The following CADM2 variants were observed in gnomAD, a reference collection of about 807,000 sequenced individuals.
The protein encoded by CADM2 is immunoglobulin superfamily member 4D.
Under a neutral mutation model 49.8 loss-of-function variants are expected in CADM2, and 12 were observed. That is an observed-to-expected ratio of 0.24 (90% CI 0.15 to 0.39). The LOEUF (loss-of-function observed/expected upper bound fraction) is 0.39, where lower values mean the gene tolerates loss of function less well. Ranked by LOEUF, CADM2 falls within the 10% of genes least tolerant of loss-of-function variation. CADM2 has a pLI of 1.00. For missense variants in CADM2, 378 were observed against 492.3 expected, an observed-to-expected ratio of 0.77 and a Z score of 2.20; for synonymous variants, 214 against 175.4, an observed-to-expected ratio of 1.22 and a Z score of -1.74.
intron 1 of CADM2, among the ~76,000 whole-genome samples, chr3:85,322,590 A>G (rs918610740): frequency 6.6e-6 from 1 of 152,254 alleles, no homozygotes; most frequent in Admixed American, 6.5e-5. Flanking sequence ...CCATGTTTAA[A>G]GTGTAAATAA....
At chr3:85,491,593 C>T (rs2039675108) in intron 1 of CADM2, among the ~76,000 whole-genome samples, 1 of 152,002 alleles carries the variant, frequency 6.6e-6, no homozygotes, top group Non-Finnish European at 1.5e-5. Context: ...ATTATGAGTA[C>T]TTTGCTTCAT....
At chr3:85,966,771 G>A (rs1329678004) in intron 8 of CADM2, among the ~76,000 whole-genome samples, 3 of 151,594 alleles carry the variant, frequency 2.0e-5, no homozygotes, top group Non-Finnish European at 4.4e-5. Context: ...GACTGTTACG[G>A]TTTGTTTTAT....
At chr3:85,067,201 A>C (rs79486607) in intron 1 of CADM2, among the ~76,000 whole-genome samples, 1 of 152,172 alleles carries the variant, frequency 6.6e-6, no homozygotes, top group Non-Finnish European at 1.5e-5. Flanking sequence ...TTATAAAAGT[A>C]TCACTTATTT....
rs1371293346 is a variant in CADM2 at position 85,735,969 on chromosome 3, CAT to C, written c.88+9422_88+9423del. Among the ~76,000 whole-genome samples, 10 of 151,900 alleles carry C rather than the reference CAT, an allele frequency of 6.6e-5. No homozygotes were observed. The East Asian group carries it at 1.9e-3, about 29-fold the overall frequency. On this transcript the variant is annotated intron_variant, in intron 2 of 9. Coordinates refer to ENST00000383699, the MANE Select transcript of CADM2 (RefSeq NM_001167675.2). The stretch of plus-strand genomic sequence containing the variant: ...CACTTTAGATAAACTATCTGAAAAT[CAT>C]GTGGACAGTCAATAAAAACATGAGA...
At chr3:85,975,733 A>G (rs542667395) in intron 8 of CADM2, among the ~76,000 whole-genome samples, 243 of 151,754 alleles carry the variant, frequency 1.6e-3, no homozygotes, top group African/African-American at 5.8e-3. Flanking sequence ...TGGTTAAATT[A>G]ATACACTCTC....
intron 1 of CADM2, among the ~76,000 whole-genome samples, chr3:85,324,977 C>A (rs140016496): frequency 1.1e-3 from 171 of 152,306 alleles, no homozygotes; most frequent in African/African-American, 4.1e-3. Context: ...TGGTTCTGCA[C>A]AGAACCAGAG....
chr3:85,634,827 C>T (rs973087487), intron 1 of CADM2, among the ~76,000 whole-genome samples: 5 of 151,946 alleles, frequency 3.3e-5, no homozygotes, highest in Non-Finnish European at 7.4e-5. Context: ...AACTACATAG[C>T]AAACTTTAAA....
chr3:85,240,928 C>G (rs1235354577), intron 1 of CADM2, among the ~76,000 whole-genome samples: 1 of 151,380 alleles, frequency 6.6e-6, no homozygotes, highest in Non-Finnish European at 1.5e-5. Flanking sequence ...GCATGATGAT[C>G]AAATCAGGGT....
At chr3:85,233,444 G>A (rs2042343589) in intron 1 of CADM2, among the ~76,000 whole-genome samples, 1 of 152,044 alleles carries the variant, frequency 6.6e-6, no homozygotes. Context: ...CCACACTAAT[G>A]CAAAATGTTA....
chr3:85,000,760 C>T (rs1232000794), intron 1 of CADM2, among the ~76,000 whole-genome samples: 1 of 151,158 alleles, frequency 6.6e-6, no homozygotes, highest in East Asian at 2.0e-4. Flanking sequence ...TGTATGTGTT[C>T]GTGTGCATGT....
At chr3:85,839,797 A>C (rs541377922) in intron 3 of CADM2, among the ~76,000 whole-genome samples, 1 of 152,026 alleles carries the variant, frequency 6.6e-6, no homozygotes, top group Non-Finnish European at 1.5e-5. Flanking sequence ...GTTAGACTAA[A>C]TAAATGGCTA....
intron 8 of CADM2, among the ~76,000 whole-genome samples, chr3:86,036,874 G>T (rs976592610): frequency 1.3e-5 from 2 of 152,038 alleles, no homozygotes; most frequent in Admixed American, 6.6e-5. Context: ...TTCTTTTAAA[G>T]CTTAACACTT....
chr3:85,083,862 A>G (rs1294503959), intron 1 of CADM2, among the ~76,000 whole-genome samples: 1 of 152,164 alleles, frequency 6.6e-6, no homozygotes. Flanking sequence ...TTCTACAGAA[A>G]CAGAAAACAG....
intron 3 of CADM2, among the ~76,000 whole-genome samples, chr3:85,856,127 T>C (rs2075309057): frequency 6.6e-6 from 1 of 152,190 alleles, no homozygotes. Context: ...AGTAAGGCAG[T>C]ATAAAGCTTG....
intron 1 of CADM2, among the ~76,000 whole-genome samples, chr3:85,611,361 A>G (rs2063677891): frequency 6.6e-6 from 1 of 151,770 alleles, no homozygotes; most frequent in African/African-American, 2.4e-5. Context: ...CTTCTAGAAC[A>G]TTGCCAATAA....
intron 6 of CADM2, among the ~76,000 whole-genome samples, chr3:85,925,526 A>G (rs1241616161): frequency 3.3e-5 from 5 of 152,174 alleles, no homozygotes; most frequent in Admixed American, 1.3e-4. Flanking sequence ...GAAAAACACA[A>G]TTGTACCCAG....
chr3:85,348,729 A>ATTT, intron 1 of CADM2, among the ~76,000 whole-genome samples: 1 of 152,184 alleles, frequency 6.6e-6, no homozygotes, highest in African/African-American at 2.4e-5. Flanking sequence ...CAATCTATTA[A>ATTT]AATGTGAGAG....
chr3:85,399,832 T>G (rs2035005026), intron 1 of CADM2, among the ~76,000 whole-genome samples: 1 of 152,192 alleles, frequency 6.6e-6, no homozygotes, highest in Admixed American at 6.5e-5. Flanking sequence ...TCCTGAGACT[T>G]TTCTGAAGCT....
At chr3:85,527,534 A>C (rs1244285648) in intron 1 of CADM2, among the ~76,000 whole-genome samples, 1 of 151,620 alleles carries the variant, frequency 6.6e-6, no homozygotes, top group Admixed American at 6.6e-5. Flanking sequence ...GAGATAAATT[A>C]TCATTATTTT....
Sources: allele counts gnomAD v4.1 joint callset (sites outside exome capture counted in the v4.1 genomes callset), GRCh38; gene constraint gnomAD v4.1.1; transcripts MANE v1.5; gene names NCBI Gene and HGNC (gene_info 2026-07-23, HGNC 2026-07-21).